Variants in MTHFD2L observed in about 807,000 individuals in gnomAD.
MTHFD2L encodes the protein bifunctional methylenetetrahydrofolate dehydrogenase/cyclohydrolase 2, mitochondrial.
A neutral mutation model predicts 34.9 loss-of-function variants in MTHFD2L; 29 were observed. That is an observed-to-expected ratio of 0.83 (90% CI 0.62 to 1.13). The LOEUF (loss-of-function observed/expected upper bound fraction) is 1.13, where lower values mean the gene tolerates loss of function less well. MTHFD2L is among the 50% of genes most tolerant of loss of function. MTHFD2L has a pLI of 0.00. For synonymous variants in MTHFD2L, 167 were observed against 155.7 expected, an observed-to-expected ratio of 1.07 and a Z score of -0.54; for missense variants, 481 against 446.5, an observed-to-expected ratio of 1.08 and a Z score of -0.70.
chr4:74,130,942 T>C (rs961643324), intron 1 of MTHFD2L, among the ~76,000 whole-genome samples: 1 of 152,048 alleles, frequency 6.6e-6, no homozygotes. Context: ...TATACACCAA[T>C]AATAGACAAA....
At chr4:74,296,534 C>A (rs1205931055) in intron 7 of MTHFD2L, among the ~76,000 whole-genome samples, 1 of 152,058 alleles carries the variant, frequency 6.6e-6, no homozygotes, top group Non-Finnish European at 1.5e-5. Flanking sequence ...AGTGTGAAAA[C>A]CGTTTGCACA....
intron 1 of MTHFD2L, among the ~76,000 whole-genome samples, chr4:74,126,672 T>G (rs1358899734): frequency 6.6e-6 from 1 of 152,134 alleles, no homozygotes; most frequent in African/African-American, 2.4e-5. Flanking sequence ...CCTACCAGTA[T>G]ATAATTCAAA....
intron 1 of MTHFD2L, among the ~76,000 whole-genome samples, chr4:74,145,193 T>C (rs1167342502): frequency 6.6e-6 from 1 of 151,460 alleles, no homozygotes; most frequent in African/African-American, 2.4e-5. Flanking sequence ...TCATTCTGTA[T>C]TTGCAGGTTT....
chr4:74,179,718 AAC>A (rs1321085222), intron 3 of MTHFD2L, among the ~76,000 whole-genome samples: 1 of 152,108 alleles, frequency 6.6e-6, no homozygotes, highest in Non-Finnish European at 1.5e-5. Flanking sequence ...AAAATTGTAA[AAC>A]AATGCATATG....
At chr4:74,140,911 T>A (rs1260792712) in intron 1 of MTHFD2L, among the ~76,000 whole-genome samples, 1 of 152,220 alleles carries the variant, frequency 6.6e-6, no homozygotes, top group African/African-American at 2.4e-5. Flanking sequence ...ACATGGGGAT[T>A]ATGGGAATTA....
At chr4:74,264,423 C>G (rs1449035323) in intron 6 of MTHFD2L, among the ~76,000 whole-genome samples, 1 of 151,790 alleles carries the variant, frequency 6.6e-6, no homozygotes, top group African/African-American at 2.4e-5. Context: ...AAGAACTAGA[C>G]TATTCCAAGT....
chr4:74,139,595 A>G (rs1488873585), intron 1 of MTHFD2L, among the ~76,000 whole-genome samples: 6 of 152,164 alleles, frequency 3.9e-5, no homozygotes, highest in Admixed American at 3.3e-4. Flanking sequence ...ACTTGGTTCC[A>G]GGCAGACTGG....
intron 6 of MTHFD2L, among the ~76,000 whole-genome samples, chr4:74,251,558 T>G (rs1388378111): frequency 6.6e-6 from 1 of 152,128 alleles, no homozygotes; most frequent in Non-Finnish European, 1.5e-5. Flanking sequence ...TCAGAGTAGT[T>G]TTTTCACTCA....
intron 6 of MTHFD2L, among the ~76,000 whole-genome samples, chr4:74,257,213 C>T (rs570208741): frequency 2.6e-5 from 4 of 152,066 alleles, no homozygotes; most frequent in Non-Finnish European, 5.9e-5. Flanking sequence ...TTTGTATGTG[C>T]TTGGCTATTG....
rs138788305 is a variant in MTHFD2L, at chr4:74,140,044, G to A, written c.-297+14527G>A. Among the ~76,000 whole-genome samples, 209 of 152,220 alleles carry A rather than the reference G, an allele frequency of 1.4e-3. 2 individuals are homozygous for A. Among genetic ancestry groups the A allele is most frequent in the African/African-American group, 4.8e-3 (200 of 41,544 alleles). ...TTAAATGAAGTAATCAGCCAGATGT[G>A]GTGGCTCATGCCCATAATTCTAACA... On this transcript the variant is annotated intron_variant, in intron 1 of 7. Coordinates refer to the MTHFD2L transcript ENST00000433372.
chr4:74,231,914 CA>C (rs1328216531), intron 6 of MTHFD2L, among the ~76,000 whole-genome samples: 3 of 150,444 alleles, frequency 2.0e-5, no homozygotes, highest in East Asian at 1.9e-4. Flanking sequence ...TAACACTTCT[CA>C]AAAAAAAACC....
intron 6 of MTHFD2L, among the ~76,000 whole-genome samples, chr4:74,266,531 A>G (rs1745304568): frequency 6.6e-6 from 1 of 152,170 alleles, no homozygotes; most frequent in Non-Finnish European, 1.5e-5. Flanking sequence ...TCCAAAACCA[A>G]AACTAGGGAT....
chr4:74,266,931 T>C (rs10009707), intron 6 of MTHFD2L: 256,806 of 984,986 alleles, frequency 0.26, 39,454 homozygotes, highest in African/African-American at 0.69. Flanking sequence ...ACTATCTGGC[T>C]TTCAGGAGGT....
intron 6 of MTHFD2L, among the ~76,000 whole-genome samples, chr4:74,235,839 CT>C (rs1466388673): frequency 2.0e-5 from 3 of 151,980 alleles, no homozygotes; most frequent in Non-Finnish European, 4.4e-5. Context: ...ACCTGTTGTT[CT>C]TTTGTTACCC....
chr4:74,257,661 A>C (rs1744193898), intron 6 of MTHFD2L, among the ~76,000 whole-genome samples: 1 of 152,164 alleles, frequency 6.6e-6, no homozygotes. Context: ...ATACTTTGGG[A>C]AAAAGCTTCT....
intron 5 of MTHFD2L, among the ~76,000 whole-genome samples, chr4:74,218,176 A>C (rs991477034): frequency 6.6e-6 from 1 of 152,060 alleles, no homozygotes; most frequent in South Asian, 2.1e-4. Flanking sequence ...TTATTCTTCA[A>C]TAAAATGAAT....
rs116842243 is a variant in MTHFD2L, at chr4:74,297,787, A to C, written c.932-3910A>C. Among the ~76,000 whole-genome samples, 122 of 152,198 alleles carry C rather than the reference A, an allele frequency of 8.0e-4. No homozygotes were observed. In the East Asian group the frequency reaches 0.022, roughly 27 times the overall value. ...AATTTAACTCTTTCTCACATGACTA[A>C]TTTTAGCACATAAGCCACCTGCAGT... On this transcript the variant is annotated intron_variant, in intron 7 of 7. Coordinates refer to ENST00000325278, the MANE Select transcript of MTHFD2L (RefSeq NM_001144978.3).
Position 74,292,251 on chromosome 4 carries a change from A to G in MTHFD2L, c.932-9446A>G, listed in dbSNP as rs557331785. Among the ~76,000 whole-genome samples, 6 of 152,362 alleles carry G rather than the reference A, an allele frequency of 3.9e-5. No individual in the cohort carries two copies. The East Asian group carries it at 1.2e-3, about 29-fold the overall frequency. On this transcript the variant is annotated intron_variant, in intron 7 of 7. Transcript: ENST00000325278. ...ACTTCTAGAGACTTCTATTTAGTAG[A>G]TGTCTTTGACATTGGATCATCTACC...
intron 6 of MTHFD2L, among the ~76,000 whole-genome samples, chr4:74,246,484 T>G (rs1195254164): frequency 2.6e-5 from 4 of 152,184 alleles, no homozygotes; most frequent in South Asian, 4.1e-4. Flanking sequence ...TTAGTTTAAT[T>G]AGATCCCATT....
Sources: gnomAD v4.1 joint callset for allele counts (sites outside exome capture counted in the v4.1 genomes callset) on GRCh38, gnomAD v4.1.1 for gene constraint, MANE v1.5 for transcripts, NCBI Gene and HGNC (gene_info 2026-07-23, HGNC 2026-07-21) for gene names.